Variants in MAN2A2 observed in about 807,000 individuals in gnomAD.
MAN2A2 encodes the protein mannosidase alpha class 2A member 2.
In MAN2A2, 79 loss-of-function variants were observed where a neutral mutation model predicts 126.8. That is an observed-to-expected ratio of 0.62 (90% CI 0.52 to 0.75). The LOEUF is 0.75. Ranked by LOEUF, MAN2A2 falls within the 30% of genes least tolerant of loss-of-function variation. MAN2A2 has a pLI of 0.00. For missense variants in MAN2A2, 1,392 were observed against 1,522.4 expected (o/e 0.91, Z 1.43); for synonymous variants, 671 against 618.7 (o/e 1.08, Z -1.25).
At chr15:90,902,685 C>G (rs548556359), upstream of MAN2A2, 1 of 150,484 alleles carries the variant, frequency 6.6e-6, no homozygotes, top group East Asian at 1.9e-4. Context: ...TCAGCTCCGC[C>G]GGGCACACGC....
rs1303713897 is a variant in MAN2A2 at position 90,920,435 on chromosome 15, G to C, written c.*648G>C. 6.6e-6 allele frequency: 1 copy of C among 152,444 alleles called. No individual in the cohort carries two copies. The highest frequency in any genetic ancestry group is 2.4e-5 in the African/African-American group (1 of 41,456). The allele number at this position is 152,444 out of a possible 1,614,324, so 9.4% of individuals were successfully genotyped here. ...CTAACAGGCTGCAGAATGGCAGGAAGGACTCGCTAGAGATTGTCATGGCCA... is the reference window on the plus strand; with the variant it reads ...CTAACAGGCTGCAGAATGGCAGGAACGACTCGCTAGAGATTGTCATGGCCA... On this transcript the variant is annotated 3_prime_UTR_variant, in exon 23 of 23. Coordinates refer to ENST00000559717, the MANE Select transcript of MAN2A2 (RefSeq NM_006122.4).
In MAN2A2 at chr15:90,911,457, C is replaced by T. The variant is rs201501980; in HGVS notation, c.2016C>T (p.Arg672=). ...TGTCCCTGCTGGTCAACTCTCCCCGCGTGCGTGTCCTTTCGGAGGAGGGTC... is the reference window on the plus strand; with the variant it reads ...TGTCCCTGCTGGTCAACTCTCCCCGTGTGCGTGTCCTTTCGGAGGAGGGTC... ...SMVSLLVNSP[R]VRVLSEEGQP... The change falls in exon 14 of 23, where the codon CGC becomes CGT. Residue 672 remains arginine, a synonymous_variant. Transcript: ENST00000559717. 74 of 1,614,226 alleles carry T rather than the reference C, an allele frequency of 4.6e-5. No homozygotes were observed. Among genetic ancestry groups the T allele is most frequent in the African/African-American group, 1.1e-4 (8 of 75,060 alleles).
intron 14 of MAN2A2, 180 bp from the exon 15 acceptor site, chr15:90,911,863 T>A (rs2034774449): frequency 1.5e-6 from 1 of 661,494 alleles, no homozygotes; most frequent in Non-Finnish European, 2.7e-6. Flanking sequence ...CAAATATCAC[T>A]TGAGAATCAT....
chr15:90,919,604 C>A, intron 22 of MAN2A2, 31 bp from the exon 23 acceptor site: 2 of 1,610,094 alleles, frequency 1.2e-6, no homozygotes, highest in Non-Finnish European at 1.7e-6. Flanking sequence ...CGGCACCTAG[C>A]ACAACCCTGC....
rs1390396271 is a variant in MAN2A2 at position 90,914,845 on chromosome 15, G to C, written c.2860+1090G>C. On this transcript the variant is annotated intron_variant, in intron 19 of 22. Transcript: ENST00000559717. ...GACTGACGTTCTTAAGAATCAAGAC[G>C]GGCATGGGGAGCACTGGCCTGGAGT... Among the ~76,000 whole-genome samples, 3 of 152,170 alleles carry C rather than the reference G, an allele frequency of 2.0e-5. No homozygotes were observed. The South Asian group carries it at 6.2e-4, about 31-fold the overall frequency.
intron 20 of MAN2A2, among the ~76,000 whole-genome samples, chr15:90,916,935 G>A (rs1284137264): frequency 1.3e-5 from 2 of 152,188 alleles, no homozygotes; most frequent in Non-Finnish European, 2.9e-5. Flanking sequence ...AATAATGTGG[G>A]CTAAGGAGAT....
chr15:90,914,345 GCAT>G (rs144468486), intron 19 of MAN2A2, among the ~76,000 whole-genome samples: 5,275 of 152,248 alleles, frequency 0.035, 316 homozygotes, highest in African/African-American at 0.12. Flanking sequence ...AAGGCAAGAA[GCAT>G]CAGGGTATTG....
chr15:90,909,225 G>T lies in MAN2A2; in HGVS notation c.1197-102G>T, dbSNP rs912784026. 5 of 1,176,994 alleles carry T rather than the reference G, an allele frequency of 4.2e-6. No homozygotes were observed. In the African/African-American group the frequency reaches 6.1e-5, roughly 14 times the overall value. 72.9% of individuals were successfully genotyped at this position (1,176,994 alleles called of 1,614,324 possible). ...TGTTTGCGCTGAACCACTCCTTGGT[G>T]GATGGGATGTCTTCTAGGGGCTTGC... On this transcript the variant is annotated intron_variant, in intron 8 of 22. Coordinates refer to ENST00000559717, the MANE Select transcript of MAN2A2 (RefSeq NM_006122.4).
intron 14 of MAN2A2, chr15:90,911,807 A>G (rs1306273810): frequency 8.3e-6 from 5 of 604,552 alleles, no homozygotes; most frequent in Non-Finnish European, 1.5e-5. Context: ...TCAGTCATTC[A>G]ATGTTTATCG....
At chr15:90,916,327 T>TA (rs2035178297) in intron 20 of MAN2A2, 71 bp downstream of exon 20, 1 of 1,561,388 alleles carries the variant, frequency 6.4e-7, no homozygotes, top group African/African-American at 1.4e-5. Flanking sequence ...GGGTCCAGCC[T>TA]AGGGCTCGAG....
At position 90,915,710 on chromosome 15, in the gene MAN2A2, C is replaced by A. The variant is rs116455195; in HGVS notation, c.2861-413C>A. Among the ~76,000 whole-genome samples, 265 of 152,352 alleles carry A rather than the reference C, an allele frequency of 1.7e-3. 1 individual carries two copies. Among genetic ancestry groups the A allele is most frequent in the African/African-American group, 6.2e-3 (256 of 41,586 alleles). On this transcript the variant is annotated intron_variant, in intron 19 of 22. Transcript: ENST00000559717. The stretch of plus-strand genomic sequence containing the variant: ...TTAGTCACAACCTGCCCAACCTGAG[C>A]AAACCTGCCCCAGATTACGGAGGTG...
Position 90,907,370 on chromosome 15 carries a change from C to A in MAN2A2, c.1071C>A (p.Pro357=). ...HMMPFYSYDV[P]HTCGPDPKIC... ...TGCCCTTCTACAGCTATGACGTCCCCCATACCTGTGGCCCAGATCCCAAGA... is the reference window on the plus strand; with the variant it reads ...TGCCCTTCTACAGCTATGACGTCCCACATACCTGTGGCCCAGATCCCAAGA... Residue 357 remains proline (P), a synonymous_variant, in exon 8 of 23, where the codon CCC becomes CCA. Coordinates refer to ENST00000559717, the MANE Select transcript of MAN2A2 (RefSeq NM_006122.4). 6.2e-7 allele frequency: 1 copy of A among 1,614,094 alleles called. No homozygotes were observed. The highest frequency in any genetic ancestry group is 1.1e-5 in the South Asian group (1 of 91,088).
At chr15:90,907,283 G>C in intron 7 of MAN2A2, 26 bp from the exon 8 acceptor site, 1 of 1,605,288 alleles carries the variant, frequency 6.2e-7, no homozygotes, top group Non-Finnish European at 8.5e-7. Context: ...CCTGCTGGTG[G>C]TGACCACGTG....
intron 12 of MAN2A2, 39 bp from the exon 13 acceptor site, chr15:90,911,131 GC>G: frequency 6.2e-7 from 1 of 1,607,166 alleles, no homozygotes; most frequent in Non-Finnish European, 8.5e-7. Context: ...AGGAGGCTGA[GC>G]CCATGATGGT....
chr15:90,908,996 G>C (rs1436539898), intron 8 of MAN2A2, among the ~76,000 whole-genome samples: 1 of 152,136 alleles, frequency 6.6e-6, no homozygotes, highest in African/African-American at 2.4e-5. Flanking sequence ...AGTACTTGTG[G>C]AGCTGGTGTG....
At chr15:90,903,227 C>G (rs914980912), upstream of MAN2A2, 3 of 152,382 alleles carry the variant, frequency 2.0e-5, no homozygotes, top group African/African-American at 4.8e-5. Flanking sequence ...AACTCTCTCC[C>G]CAGCTCCACC....
rs1180681999 is a variant in MAN2A2, at chr15:90,909,318, C to G, written c.1197-9C>G. On this transcript the variant is annotated splice_polypyrimidine_tract_variant and intron_variant, in intron 8 of 22. Coordinates refer to ENST00000559717, the MANE Select transcript of MAN2A2 (RefSeq NM_006122.4). ...TCGTGGTGGGCCCATGTTTTTTTTC[C>G]TGCCCCAGGGCAGCCCTGCTTCTGG... 1 of 1,591,544 alleles carries G rather than the reference C, an allele frequency of 6.3e-7. No homozygotes were observed. Among genetic ancestry groups the G allele is most frequent in the Admixed American group, 1.8e-5 (1 of 56,682 alleles).
At chr15:90,904,026 C>T in intron 1 of MAN2A2, 164 bp from the exon 2 acceptor site, 2 of 742,112 alleles carry the variant, frequency 2.7e-6, no homozygotes, top group East Asian at 2.6e-5. Context: ...GAGCTGCTAC[C>T]AGGACCAGGT....
intron 8 of MAN2A2, 167 bp downstream of exon 8, chr15:90,907,662 A>C (rs2034409468): frequency 3.2e-6 from 2 of 632,936 alleles, no homozygotes; most frequent in South Asian, 4.1e-5. Flanking sequence ...TCTTGCAACC[A>C]CCTTTCACAG....
Sources: allele counts gnomAD v4.1 joint callset (sites outside exome capture counted in the v4.1 genomes callset), GRCh38; gene constraint gnomAD v4.1.1; transcripts MANE v1.5; gene names NCBI Gene and HGNC (gene_info 2026-07-23, HGNC 2026-07-21).